The following KAZN variants were observed in gnomAD, a reference collection of about 807,000 sequenced individuals.
KAZN encodes kazrin, periplakin interacting protein, also known as kazrin.
Under a neutral mutation model 87.4 loss-of-function variants are expected in KAZN, and 40 were observed. The ratio of observed to expected loss-of-function variants is 0.46; its 90% confidence interval spans 0.36 to 0.60. KAZN has a LOEUF of 0.60. Among genes scored for constraint, KAZN ranks in the 20% least tolerant of loss-of-function variants. The pLI is 0.00. For missense variants in KAZN, 898 were observed against 1,073.9 expected (o/e 0.84, Z 2.29); for synonymous variants, 466 against 458.3 (o/e 1.02, Z -0.22).
chr1:14,398,022 C>T (rs976131999), intron 2 of KAZN, among the ~76,000 whole-genome samples: 5 of 152,106 alleles, frequency 3.3e-5, no homozygotes, highest in African/African-American at 1.2e-4. Context: ...ACAAAGTTCC[C>T]GATTGACTCA....
chr1:14,907,574 T>A (rs1656746955), intron 1 of KAZN, among the ~76,000 whole-genome samples: 1 of 152,056 alleles, frequency 6.6e-6, no homozygotes, highest in Non-Finnish European at 1.5e-5. Flanking sequence ...CCAATTGAGT[T>A]TGCAAAAAGC....
At chr1:14,289,559 A>G (rs563388370) in intron 2 of KAZN, among the ~76,000 whole-genome samples, 2 of 146,558 alleles carry the variant, frequency 1.4e-5, no homozygotes, top group South Asian at 2.2e-4. Flanking sequence ...CTATCCCTTT[A>G]TTTTGAGCCT....
intron 1 of KAZN, among the ~76,000 whole-genome samples, chr1:14,793,058 G>A (rs1366907577): frequency 6.6e-6 from 1 of 152,102 alleles, no homozygotes; most frequent in Non-Finnish European, 1.5e-5. Flanking sequence ...GTCAGCCCAG[G>A]CAGGTGTGTG....
At chr1:14,565,830 T>A (rs1446299669) in intron 2 of KAZN, among the ~76,000 whole-genome samples, 1 of 152,206 alleles carries the variant, frequency 6.6e-6, no homozygotes, top group Non-Finnish European at 1.5e-5. Context: ...ATTCCAGTAA[T>A]TCAGTCACAT....
chr1:14,160,540 G>T (rs1474230481), intron 1 of KAZN, among the ~76,000 whole-genome samples: 16 of 152,172 alleles, frequency 1.1e-4, no homozygotes, highest in Admixed American at 1.0e-3. Flanking sequence ...TCAGTGATAT[G>T]AAGTTAAAGC....
chr1:14,034,278 CT>C (rs1641451125), intron 1 of KAZN, among the ~76,000 whole-genome samples: 1 of 151,736 alleles, frequency 6.6e-6, no homozygotes. Flanking sequence ...CTGGTGTTTC[CT>C]TTTAGCTGTT....
intron 2 of KAZN, chr1:14,349,012 AGC>A (rs1324378627): frequency 6.6e-6 from 1 of 152,216 alleles, no homozygotes; most frequent in Non-Finnish European, 1.5e-5. Flanking sequence ...TTGTGTGTTG[AGC>A]TTTTGGCTGT....
chr1:14,475,540 A>T (rs539064744), intron 2 of KAZN, among the ~76,000 whole-genome samples: 1 of 152,274 alleles, frequency 6.6e-6, no homozygotes, highest in East Asian at 1.9e-4. Context: ...AGACTCAGAG[A>T]CTTCACTAAA....
At position 15,003,559 on chromosome 1, in the gene KAZN, C is replaced by G. The variant is rs948581684; in HGVS notation, c.419-31190C>G. On this transcript the variant is annotated intron_variant, in intron 2 of 14. Transcript: ENST00000376030. ...CAACCAACAGAACAAAAAGAAAAAT[C>G]TATTTTGCCCACTGGGTTTGGCCAA... 4.6e-5 allele frequency among the ~76,000 whole-genome samples: 7 copies of G among 152,156 alleles called. No individual in the cohort carries two copies. The East Asian group carries it at 1.3e-3, about 29-fold the overall frequency.
chr1:13,999,849 A>G (rs1469363282), intron 1 of KAZN, among the ~76,000 whole-genome samples: 4 of 152,188 alleles, frequency 2.6e-5, no homozygotes, highest in African/African-American at 7.2e-5. Flanking sequence ...CACAATAAAA[A>G]ATGATTAAAG....
At chr1:14,477,808 C>T (rs187842336) in intron 2 of KAZN, among the ~76,000 whole-genome samples, 38 of 152,338 alleles carry the variant, frequency 2.5e-4, no homozygotes, top group African/African-American at 9.1e-4. Flanking sequence ...GGAGCTGACT[C>T]TCCCCAGGGC....
intron 2 of KAZN, among the ~76,000 whole-genome samples, chr1:14,567,018 C>T (rs1410236393): frequency 6.6e-6 from 1 of 152,170 alleles, no homozygotes; most frequent in Admixed American, 6.5e-5. Flanking sequence ...TTTTCTTTTG[C>T]ATTTACAACT....
chr1:13,949,509 G>A lies in KAZN; in HGVS notation c.91+55753G>A, dbSNP rs188478940. On this transcript the variant is annotated intron_variant, in intron 1 of 16. Transcript: ENST00000636203. Reference sequence around the variant, plus strand: ...TTTAATAACCTCTGCATGACTTTCCGTGAGCATCTCTGTGTGACGAGGTGT... The same window carrying A: ...TTTAATAACCTCTGCATGACTTTCCATGAGCATCTCTGTGTGACGAGGTGT... Among the ~76,000 whole-genome samples, 8 of 151,796 alleles carry A rather than the reference G, an allele frequency of 5.3e-5. No homozygotes were observed. In the East Asian group the frequency reaches 1.2e-3, roughly 22 times the overall value.
At chr1:14,091,869 A>G (rs1644003521) in intron 1 of KAZN, among the ~76,000 whole-genome samples, 1 of 152,126 alleles carries the variant, frequency 6.6e-6, no homozygotes, top group Non-Finnish European at 1.5e-5. Flanking sequence ...TACTTTGGTG[A>G]TCAGAAAATT....
chr1:14,728,450 G>A (rs1643522760), intron 1 of KAZN, among the ~76,000 whole-genome samples: 1 of 152,126 alleles, frequency 6.6e-6, no homozygotes, highest in South Asian at 2.1e-4. Flanking sequence ...CAGTTCCTAA[G>A]AGGCCATGGG....
chr1:14,682,814 T>C (rs900249303), intron 1 of KAZN, among the ~76,000 whole-genome samples: 5 of 152,158 alleles, frequency 3.3e-5, no homozygotes, highest in Admixed American at 2.6e-4. Context: ...TGCAAACAAG[T>C]CCACACAAGG....
At chr1:14,839,906 C>T (rs1647737994) in intron 1 of KAZN, among the ~76,000 whole-genome samples, 1 of 152,190 alleles carries the variant, frequency 6.6e-6, no homozygotes, top group Admixed American at 6.5e-5. Flanking sequence ...TTCTTCTTTT[C>T]TCTGGGTTGC....
chr1:14,130,347 G>A (rs1174144199), intron 1 of KAZN, among the ~76,000 whole-genome samples: 1 of 152,110 alleles, frequency 6.6e-6, no homozygotes, highest in Non-Finnish European at 1.5e-5. Context: ...AGCTCCTTCT[G>A]TATGCAAGGT....
In KAZN at chr1:14,669,307, G is replaced by A. The variant is rs150172657; in HGVS notation, c.226+70084G>A. 5.4e-3 allele frequency among the ~76,000 whole-genome samples: 825 copies of A among 152,220 alleles called. 8 individuals are homozygous for A. The highest frequency in any genetic ancestry group is 0.019 in the African/African-American group (771 of 41,548). On this transcript the variant is annotated intron_variant, in intron 1 of 14. Transcript: ENST00000376030. ...TGCTCTGGGTTGCTATTAGGAGCCAGTAGGTAAAGGTCAGGGGAGGCTGCC... is the reference window on the plus strand; with the variant it reads ...TGCTCTGGGTTGCTATTAGGAGCCAATAGGTAAAGGTCAGGGGAGGCTGCC...
Sources: allele counts gnomAD v4.1 joint callset (sites outside exome capture counted in the v4.1 genomes callset), GRCh38; gene constraint gnomAD v4.1.1; transcripts MANE v1.5; gene names NCBI Gene and HGNC (gene_info 2026-07-23, HGNC 2026-07-21).